Variants in RIF1 observed in about 807,000 individuals in gnomAD.
RIF1 encodes the protein telomere-associated protein RIF1.
Under a neutral mutation model 247.1 loss-of-function variants are expected in RIF1, and 45 were observed. The ratio of observed to expected loss-of-function variants is 0.18; its 90% CI spans 0.14 to 0.23. The LOEUF (loss-of-function observed/expected upper bound fraction) is 0.23. Among genes scored for constraint, RIF1 ranks in the 10% least tolerant of loss-of-function variants. RIF1 has a pLI of 1.00. For missense variants in RIF1, 2,967 were observed against 2,862.5 expected (o/e 1.04, Z -0.83); for synonymous variants, 1,087 against 978.8 (o/e 1.11, Z -2.06).
the RIF1 span, chr2:151,527,492 G>T: frequency 9.3e-6 from 15 of 1,612,416 alleles, no homozygotes; most frequent in African/African-American, 1.3e-5. Context: ...TCGCTTTGCT[G>T]CAGGGATGAC....
At chr2:151,486,172 C>G (rs1291730060), downstream of RIF1, 4 of 447,202 alleles carry the variant, frequency 8.9e-6, no homozygotes, top group African/African-American at 2.0e-5. Flanking sequence ...ATGCCTTCCC[C>G]CACCAAAAGA....
chr2:151,514,942 G>A, the RIF1 span: 1 of 1,484,918 alleles, frequency 6.7e-7, no homozygotes, highest in Non-Finnish European at 9.2e-7. Context: ...ATGTAAGTAG[G>A]AAGGAAAGAC....
chr2:151,452,170 AGTTTAACTC>A (rs1484897224), intron 21 of RIF1, among the ~76,000 whole-genome samples: 1 of 152,214 alleles, frequency 6.6e-6, no homozygotes, highest in African/African-American at 2.4e-5. Flanking sequence ...AATGTTACAA[AGTTTAACTC>A]ATCGTTTACC....
intron 3 of RIF1, among the ~76,000 whole-genome samples, chr2:151,413,945 T>G (rs141799240): frequency 6.6e-6 from 1 of 152,306 alleles, no homozygotes; most frequent in Non-Finnish European, 1.5e-5. Context: ...AAGTAAACTT[T>G]CATATTGAGA....
intron 18 of RIF1, 122 bp downstream of exon 18, chr2:151,443,831 T>C: frequency 3.6e-6 from 2 of 558,238 alleles, no homozygotes; most frequent in Non-Finnish European, 5.9e-6. Flanking sequence ...TCTGGTGGAA[T>C]TGGTAAACGT....
chr2:151,524,143 G>A, the RIF1 span, among the ~76,000 whole-genome samples: 3 of 152,330 alleles, frequency 2.0e-5, no homozygotes, highest in East Asian at 5.8e-4. Flanking sequence ...ACAGCTTAGA[G>A]GGAAACGAGA....
At chr2:151,510,728 G>A (rs1176149524), downstream of RIF1, among the ~76,000 whole-genome samples, 1 of 152,120 alleles carries the variant, frequency 6.6e-6, no homozygotes, top group African/African-American at 2.4e-5. Context: ...TATATGTATA[G>A]GAAAAACCAG....
At chr2:151,487,561 C>T (rs891407345) in intron 9 of RIF1, among the ~76,000 whole-genome samples, 1 of 152,040 alleles carries the variant, frequency 6.6e-6, no homozygotes, top group Non-Finnish European at 1.5e-5. Context: ...TTGACTGCTG[C>T]AGAGAATTTC....
chr2:151,445,449 A>C lies in RIF1; in HGVS notation c.2094+4A>C. The C allele has an allele frequency of 7.2e-7, 1 of 1,387,202 alleles. No homozygotes were observed. The allele number at this position is 1,387,202 out of a possible 1,614,324, so 85.9% of individuals were successfully genotyped here. ...TTCAGAACAGAGATTTCCAGTGGTA[A>C]GGCATTGTCAAGTATTGATTTCCGA... On this transcript the variant is annotated splice_donor_region_variant and intron_variant, in intron 19 of 35. Coordinates refer to ENST00000444746, the MANE Select transcript of RIF1 (RefSeq NM_018151.5).
chr2:151,426,147 T>C (rs1689035051), intron 8 of RIF1, among the ~76,000 whole-genome samples: 1 of 149,946 alleles, frequency 6.7e-6, no homozygotes, highest in Non-Finnish European at 1.5e-5. Flanking sequence ...TTATTATTTT[T>C]CAGGATTGTT....
chr2:151,433,628 A>AT (rs1458331288), intron 10 of RIF1, among the ~76,000 whole-genome samples: 1 of 151,534 alleles, frequency 6.6e-6, no homozygotes, highest in Non-Finnish European at 1.5e-5. Context: ...AATTTTTTGT[A>AT]TTTTTTAGTG....
chr2:151,514,723 G>C, the RIF1 span: 5 of 876,226 alleles, frequency 5.7e-6, no homozygotes, highest in Non-Finnish European at 8.8e-6. Context: ...CCCACAGTTA[G>C]GTGGTGATGT....
At position 151,415,162 on chromosome 2, in the gene RIF1, A is replaced by G. The variant is rs1686968016; in HGVS notation, c.280+243A>G. ...GGAGATCGAGACCATCCTGGCTAAC[A>G]TGGTGAAACCCCGTCTGTACTAAAA... On this transcript the variant is annotated intron_variant, in intron 4 of 35. Coordinates refer to ENST00000444746, the MANE Select transcript of RIF1 (RefSeq NM_018151.5). 3.3e-5 allele frequency among the ~76,000 whole-genome samples: 5 copies of G among 151,776 alleles called. No homozygotes were observed. The South Asian group carries it at 1.0e-3, about 32-fold the overall frequency.
chr2:151,463,414 G>C lies in RIF1; in HGVS notation c.3894G>C (p.Gly1298=). 1 of 1,613,868 alleles carries C rather than the reference G, an allele frequency of 6.2e-7. No individual in the cohort carries two copies. Residue 1298 remains glycine, a synonymous_variant, in exon 30 of 36, where the codon GGG becomes GGC. Transcript: ENST00000444746. ...SRRAGKAEQT[G]NKRSKPLMRS... is the part of the protein sequence containing the mutation. The stretch of plus-strand genomic sequence containing the variant: ...GAGCTGGTAAAGCTGAACAAACAGG[G>C]AATAAAAGGTCTAAGCCCTTAATGA...
chr2:151,415,365 TAGATTATC>T (rs1423384113), intron 4 of RIF1, among the ~76,000 whole-genome samples: 1 of 150,534 alleles, frequency 6.6e-6, no homozygotes, highest in Non-Finnish European at 1.5e-5. Flanking sequence ...AAAGAATGTT[TAGATTATC>T]ATTACCTACA....
chr2:151,456,514 C>A, intron 22 of RIF1, 64 bp from the exon 23 acceptor site: 3 of 850,580 alleles, frequency 3.5e-6, no homozygotes, highest in South Asian at 3.2e-5. Context: ...TTAGGATTAG[C>A]TTGATAGATA....
the RIF1 span, among the ~76,000 whole-genome samples, chr2:151,515,152 C>A: frequency 6.6e-6 from 1 of 152,200 alleles, no homozygotes; most frequent in African/African-American, 2.4e-5. Context: ...ATGGGCCCCT[C>A]ACTCATCAGT....
Position 151,463,537 on chromosome 2 carries a change from A to G in RIF1, c.4017A>G (p.Ser1339=), listed in dbSNP as rs1696498068. ...PGLLNQTECV[S]DNQVHLSEST... is the part of the protein sequence containing the mutation. ...TGCTTAATCAAACAGAATGTGTGTC[A>G]GATAATCAGGTTCATCTTTCTGAAT... The change falls in exon 30 of 36, where the codon TCA becomes TCG. Residue 1339 remains serine, a synonymous_variant. Transcript: ENST00000444746. 1.2e-6 allele frequency: 2 copies of G among 1,613,932 alleles called. No individual in the cohort carries two copies.
chr2:151,440,003 A>T, intron 14 of RIF1, 24 bp from the exon 15 acceptor site: 1 of 904,414 alleles, frequency 1.1e-6, no homozygotes, highest in Non-Finnish European at 1.8e-6. Flanking sequence ...AAAGAACTAT[A>T]CCCTTCTTTT....
Sources: gnomAD v4.1 joint callset for allele counts (sites outside exome capture counted in the v4.1 genomes callset) on GRCh38, gnomAD v4.1.1 for gene constraint, MANE v1.5 for transcripts, NCBI Gene and HGNC (gene_info 2026-07-23, HGNC 2026-07-21) for gene names.